THADA: variants seen among roughly 807,000 people sequenced by gnomAD.
The protein encoded by THADA is THADA armadillo repeat containing, also known as tRNA (32-2'-O)-methyltransferase regulator THADA.
Under a neutral mutation model 219.8 loss-of-function variants are expected in THADA, and 213 were observed. That is an observed-to-expected ratio of 0.97 (90% CI 0.87 to 1.09). THADA has a LOEUF of 1.09. THADA is among the 50% of genes least tolerant of loss of function. The probability of loss-of-function intolerance (pLI) is 0.00; values close to 1 mark genes in which losing one functional copy is unlikely to be tolerated. For synonymous variants in THADA, 1,018 were observed against 828.9 expected (o/e 1.23, Z -3.92); for missense variants, 2,956 against 2,311.3 (o/e 1.28, Z -5.72).
intron 31 of THADA, among the ~76,000 whole-genome samples, chr2:43,303,199 A>G (rs903462274): frequency 1.3e-5 from 2 of 152,224 alleles, no homozygotes; most frequent in Admixed American, 1.3e-4. Context: ...ATAAAGGAGT[A>G]TGGTGGCCCA....
chr2:43,478,805 C>T (rs1448420307), intron 26 of THADA, among the ~76,000 whole-genome samples: 2 of 152,186 alleles, frequency 1.3e-5, no homozygotes, highest in Non-Finnish European at 2.9e-5. Context: ...TGAAGAACTT[C>T]TTTTCAGTTA....
intron 26 of THADA, among the ~76,000 whole-genome samples, chr2:43,443,948 C>T (rs894990943): frequency 6.2e-5 from 9 of 145,588 alleles, no homozygotes; most frequent in African/African-American, 2.2e-4. Flanking sequence ...CATTGCTAGA[C>T]TCCACAGAGC....
At chr2:43,405,581 C>T (rs1294358614) in intron 28 of THADA, among the ~76,000 whole-genome samples, 1 of 152,168 alleles carries the variant, frequency 6.6e-6, no homozygotes, top group African/African-American at 2.4e-5. Context: ...ACCACTAGCA[C>T]ATAAAAATTG....
At chr2:43,519,158 T>C (rs942143747) in intron 22 of THADA, among the ~76,000 whole-genome samples, 4 of 152,072 alleles carry the variant, frequency 2.6e-5, no homozygotes, top group Non-Finnish European at 5.9e-5. Context: ...GACTTACTTA[T>C]CTAATCCCAA....
rs574366261 is a variant in THADA at position 43,545,305 on chromosome 2, T to C, written c.3106+3905A>G. On this transcript the variant is annotated intron_variant, in intron 20 of 37. Transcript: ENST00000405975. ...ATTTTATTGAGGATTTTTGCATCAATGTTCATCAAGGATATTGGTCTATAA... is the reference window on the plus strand; with the variant it reads ...ATTTTATTGAGGATTTTTGCATCAACGTTCATCAAGGATATTGGTCTATAA... 5.3e-5 allele frequency among the ~76,000 whole-genome samples: 8 copies of C among 151,924 alleles called. No homozygotes were observed. In the South Asian group the frequency reaches 1.2e-3, roughly 24 times the overall value.
intron 22 of THADA, among the ~76,000 whole-genome samples, chr2:43,527,170 G>A (rs1157659828): frequency 6.6e-6 from 1 of 152,162 alleles, no homozygotes; most frequent in Non-Finnish European, 1.5e-5. Context: ...TACAAGGCTG[G>A]CAGAACTCTG....
At chr2:43,451,261 C>T (rs1194021163) in intron 26 of THADA, among the ~76,000 whole-genome samples, 2 of 152,150 alleles carry the variant, frequency 1.3e-5, no homozygotes, top group African/African-American at 4.8e-5. Flanking sequence ...CCACGAGCTC[C>T]AGAGGCAAAG....
At chr2:43,352,283 C>A (rs1014387006) in intron 29 of THADA, among the ~76,000 whole-genome samples, 1 of 152,100 alleles carries the variant, frequency 6.6e-6, no homozygotes, top group South Asian at 2.1e-4. Flanking sequence ...TAATACATGG[C>A]GCAGTGGCTC....
chr2:43,467,353 C>T (rs2104949245), intron 26 of THADA, among the ~76,000 whole-genome samples: 1 of 152,202 alleles, frequency 6.6e-6, no homozygotes, highest in Non-Finnish European at 1.5e-5. Flanking sequence ...AAATAAATAA[C>T]CCAAATTCCA....
intron 21 of THADA, among the ~76,000 whole-genome samples, chr2:43,539,069 G>A (rs1372891588): frequency 6.6e-6 from 1 of 152,242 alleles, no homozygotes; most frequent in Non-Finnish European, 1.5e-5. Flanking sequence ...TCCATTGAGA[G>A]AAAAGTAGAT....
At chr2:43,509,319 G>A (rs919741454) in intron 22 of THADA, among the ~76,000 whole-genome samples, 4 of 152,140 alleles carry the variant, frequency 2.6e-5, no homozygotes, top group South Asian at 4.1e-4. Context: ...ATTTTGAGGC[G>A]ATTTGAACAT....
chr2:43,297,955 G>GT (rs1675754882), intron 31 of THADA, among the ~76,000 whole-genome samples: 1 of 93,468 alleles, frequency 1.1e-5, no homozygotes, highest in African/African-American at 6.7e-5. Context: ...GAGGTGGGGG[G>GT]GTCAGCCCCC....
At chr2:43,325,804 T>C (rs989664690) in intron 30 of THADA, among the ~76,000 whole-genome samples, 11 of 152,230 alleles carry the variant, frequency 7.2e-5, no homozygotes, top group African/African-American at 2.7e-4. Context: ...TTTAATAAGT[T>C]ATCTTTAAGA....
At chr2:43,435,234 C>G (rs1234901063) in intron 26 of THADA, among the ~76,000 whole-genome samples, 1 of 152,006 alleles carries the variant, frequency 6.6e-6, no homozygotes, top group Non-Finnish European at 1.5e-5. Context: ...GTGAGAGGAT[C>G]ACCTGAGGTC....
At chr2:43,361,158 G>A (rs1399049325) in intron 29 of THADA, among the ~76,000 whole-genome samples, 1 of 152,176 alleles carries the variant, frequency 6.6e-6, no homozygotes, top group Non-Finnish European at 1.5e-5. Context: ...AGCCCAAAAT[G>A]TCAATTGTGC....
chr2:43,439,714 T>C (rs1310460916), intron 26 of THADA, among the ~76,000 whole-genome samples: 1 of 152,166 alleles, frequency 6.6e-6, no homozygotes, highest in Non-Finnish European at 1.5e-5. Flanking sequence ...GGAAAAAATA[T>C]AGTGTATATA....
chr2:43,505,483 G>A (rs1689546562), intron 24 of THADA, 139 bp downstream of exon 24: 2 of 501,664 alleles, frequency 4.0e-6, no homozygotes, highest in South Asian at 7.6e-5. Flanking sequence ...GAACCTGGGA[G>A]GCGAAGGTTG....
chr2:43,594,668 C>T (rs1701951693), intron 1 of THADA, among the ~76,000 whole-genome samples: 1 of 152,142 alleles, frequency 6.6e-6, no homozygotes, highest in Non-Finnish European at 1.5e-5. Context: ...TGCCTTCCTC[C>T]ACTCTTCATC....
At chr2:43,314,978 C>T (rs1677915294) in intron 31 of THADA, among the ~76,000 whole-genome samples, 1 of 152,172 alleles carries the variant, frequency 6.6e-6, no homozygotes. Flanking sequence ...TTCTAATAAT[C>T]TTCTCTGCCT....
Sources: gnomAD v4.1 joint callset for allele counts (sites outside exome capture counted in the v4.1 genomes callset) on GRCh38, gnomAD v4.1.1 for gene constraint, MANE v1.5 for transcripts, NCBI Gene and HGNC (gene_info 2026-07-23, HGNC 2026-07-21) for gene names.